The following THBS2 variants were observed in gnomAD, a reference collection of about 807,000 sequenced individuals.
THBS2 encodes thrombospondin 2.
THBS2 carries 47 observed loss-of-function variants against 135.2 expected under a neutral mutation model. The ratio of observed to expected loss-of-function variants is 0.35; its 90% confidence interval spans 0.28 to 0.44. THBS2 has a LOEUF of 0.44. Among genes scored for constraint, THBS2 ranks in the 20% least tolerant of loss-of-function variants. THBS2 has a pLI of 1.00. For synonymous variants in THBS2, 639 were observed against 633.8 expected (o/e 1.01, Z -0.12); for missense variants, 1,288 against 1,603.1 (o/e 0.80, Z 3.36).
At chr6:169,220,745 G>A (rs1381025707) in intron 20 of THBS2, among the ~76,000 whole-genome samples, 4 of 152,154 alleles carry the variant, frequency 2.6e-5, no homozygotes, top group African/African-American at 9.7e-5. Flanking sequence ...CGTGGGAGCA[G>A]GACTGGATAC....
chr6:169,220,393 A>G, intron 20 of THBS2, 56 bp from the exon 21 acceptor site: 1 of 1,571,900 alleles, frequency 6.4e-7, no homozygotes. Flanking sequence ...GAACTCTGTG[A>G]AGCATTCACC....
rs570036255 is a variant in THBS2 at position 169,223,207 on chromosome 6, C to T, written c.3001+41G>A. On this transcript the variant is annotated intron_variant, in intron 18 of 21. Transcript: ENST00000617924. ...CTGCATCTTCTGTGGGCGCCTCCCC[C>T]GGAGAAATGCTGGCACCACCGCCGT... 323 of 1,586,186 alleles carry T rather than the reference C, an allele frequency of 2.0e-4. 4 individuals carry two copies. In the South Asian group the frequency reaches 3.4e-3, roughly 17 times the overall value.
At chr6:169,218,120 G>A (rs1444173815) in intron 21 of THBS2, among the ~76,000 whole-genome samples, 16 of 143,880 alleles carry the variant, frequency 1.1e-4, no homozygotes, top group Non-Finnish European at 2.0e-4. Flanking sequence ...GGATGGATGG[G>A]GTGGGTGGGT....
chr6:169,224,713 A>G (rs937443992), intron 17 of THBS2, among the ~76,000 whole-genome samples: 3 of 152,180 alleles, frequency 2.0e-5, no homozygotes, highest in African/African-American at 7.2e-5. Context: ...CTGCTGAGCA[A>G]AGCAGCTCTT....
intron 13 of THBS2, among the ~76,000 whole-genome samples, chr6:169,231,379 G>T (rs1241328404): frequency 6.6e-6 from 1 of 152,322 alleles, no homozygotes; most frequent in South Asian, 2.1e-4. Context: ...AGCAGAGGGA[G>T]CACGGCCCCG....
In THBS2 at chr6:169,242,041, G is replaced by A. The variant is rs183104809; in HGVS notation, c.695-83C>T. On this transcript the variant is annotated intron_variant, in intron 4 of 21. Coordinates refer to ENST00000617924, the MANE Select transcript of THBS2 (RefSeq NM_003247.5). Reference sequence around the variant, plus strand: ...GCTGGGAACAGAGGGAGGATGACCCGCCCTGGCTCCCGGAGCGGCCTGGTG... The same window carrying A: ...GCTGGGAACAGAGGGAGGATGACCCACCCTGGCTCCCGGAGCGGCCTGGTG... 4.2e-5 allele frequency: 62 copies of A among 1,468,492 alleles called. 1 individual carries two copies. Among genetic ancestry groups the A allele is most frequent in the Admixed American group, 2.3e-4 (11 of 48,828 alleles). The allele number at this position is 1,468,492 out of a possible 1,614,324, so 91.0% of individuals were successfully genotyped here.
At chr6:169,222,849 C>T (rs1043279059) in intron 18 of THBS2, among the ~76,000 whole-genome samples, 9 of 151,808 alleles carry the variant, frequency 5.9e-5, no homozygotes, top group Non-Finnish European at 1.0e-4. Flanking sequence ...CAGGCAATCC[C>T]CAGCTTGGCC....
At position 169,252,363 on chromosome 6, in the gene THBS2, C is replaced by G. The variant is rs1333236837; in HGVS notation, c.-23+1361G>C. ...TCAGGTACAGCCTTGGCAGGCTCTT[C>G]CCACCTCCCCACCTCATCAGCCCAC... On this transcript the variant is annotated intron_variant, in intron 1 of 21. Transcript: ENST00000617924. This position sits in a 1 kb window ranked among gnomAD's most constrained non-coding sequence, Gnocchi z 4.3. 1.3e-5 allele frequency among the ~76,000 whole-genome samples: 2 copies of G among 152,150 alleles called. No homozygotes were observed. The highest frequency in any genetic ancestry group is 4.8e-5 in the African/African-American group (2 of 41,434).
Position 169,241,411 on chromosome 6 carries a change from G to A in THBS2, c.891+351C>T, listed in dbSNP as rs900293645. The stretch of plus-strand genomic sequence containing the variant: ...TATTTTCCTCTGCAGGTGTGTGTGT[G>A]TGTGTATGTGTGTGTATGTGTGTGT... On this transcript the variant is annotated intron_variant, in intron 5 of 21. Coordinates refer to ENST00000617924, the MANE Select transcript of THBS2 (RefSeq NM_003247.5). This position sits in a 1 kb window ranked among gnomAD's most constrained non-coding sequence, Gnocchi z 5.5. Among the ~76,000 whole-genome samples the A allele has an allele frequency of 7.1e-6, 1 of 140,470 alleles. No individual in the cohort carries two copies. The highest frequency in any genetic ancestry group is 2.9e-5 in the African/African-American group (1 of 34,990). 92.2% of individuals were successfully genotyped at this position (140,470 alleles called of 152,430 possible).
At position 169,248,704 on chromosome 6, in the gene THBS2, G is replaced by C; in HGVS notation, c.322C>G (p.Leu108Val). Residue 108 changes from leucine to valine, a missense_variant, in exon 3 of 22, where the codon CTC becomes GTC. Transcript: ENST00000617924. The part of the protein sequence containing the change: ...GTLLALEGPG[L>V]SQRQFEIVSN... ...ACGATCTCGAACTGCCTCTGGGAGAGACCGGGGCCCTCCAGAGCCAACAGC... is the reference window on the plus strand; with the variant it reads ...ACGATCTCGAACTGCCTCTGGGAGACACCGGGGCCCTCCAGAGCCAACAGC... The C allele has an allele frequency of 6.2e-7, 1 of 1,613,842 alleles. No individual in the cohort carries two copies. The highest frequency in any genetic ancestry group is 8.5e-7 in the Non-Finnish European group (1 of 1,179,912).
At chr6:169,218,040 AGATGGATG>A (rs143110525) in intron 21 of THBS2, among the ~76,000 whole-genome samples, 150 of 91,398 alleles carry the variant, frequency 1.6e-3, no homozygotes, top group African/African-American at 5.0e-3. Context: ...TGGGTGGATG[AGATGGATG>A]GATGGATGGA....
rs1405894334 is a variant in THBS2 at position 169,248,765 on chromosome 6, C to T, written c.261G>A (p.Thr87=). ...IMRQKEGFFL[T]AQLKQDGKSR... ...ACTTGCCGTCCTGCTTGAGCTGGGC[C>T]GTGAGGAAGAAGCCCTCCTTCTGCC... The change falls in exon 3 of 22, where the codon ACG becomes ACA. Residue 87 remains threonine, a synonymous_variant. Transcript: ENST00000617924. 29 of 1,612,550 alleles carry T rather than the reference C, an allele frequency of 1.8e-5. No homozygotes were observed. The highest frequency in any genetic ancestry group is 5.3e-5 in the African/African-American group (4 of 74,840).
chr6:169,239,495 C>A, intron 7 of THBS2, 104 bp downstream of exon 7: 1 of 1,085,222 alleles, frequency 9.2e-7, no homozygotes, highest in Non-Finnish European at 1.3e-6. Context: ...ACTCAGGGGG[C>A]TGAACCTCAC....
chr6:169,242,572 ACCT>A (rs2115019802), intron 4 of THBS2, among the ~76,000 whole-genome samples: 2 of 111,344 alleles, frequency 1.8e-5, no homozygotes, highest in Admixed American at 9.4e-5. Flanking sequence ...CTAACTTCCC[ACCT>A]TCCCCCAAAT....
chr6:169,247,432 CGTGT>C (rs1210490949), intron 3 of THBS2, among the ~76,000 whole-genome samples: 1 of 151,708 alleles, frequency 6.6e-6, no homozygotes, highest in Non-Finnish European at 1.5e-5. Flanking sequence ...TGTATGTATA[CGTGT>C]GTATGAGTAT....
At chr6:169,225,066 C>CCGTG in intron 17 of THBS2, 79 bp downstream of exon 17, 1 of 1,360,446 alleles carries the variant, frequency 7.4e-7, no homozygotes, top group Non-Finnish European at 1.0e-6. Flanking sequence ...AAGATGATCT[C>CCGTG]CGTGCATACA....
At chr6:169,224,394 C>T (rs1779543871) in intron 17 of THBS2, among the ~76,000 whole-genome samples, 1 of 152,230 alleles carries the variant, frequency 6.6e-6, no homozygotes, top group Non-Finnish European at 1.5e-5. Flanking sequence ...CACTCCATCC[C>T]TTCATGCTGC....
intron 21 of THBS2, among the ~76,000 whole-genome samples, chr6:169,218,291 T>C (rs1323442727): frequency 6.9e-6 from 1 of 144,636 alleles, no homozygotes; most frequent in East Asian, 2.1e-4. Flanking sequence ...GGTGGATGGA[T>C]GAAATGGGTG....
At position 169,232,047 on chromosome 6, in the gene THBS2, G is replaced by T; in HGVS notation, c.2084C>A (p.Ser695Ter). ...AGDGLICGED[S>*]DLDGWPNLNL... is the part of the protein sequence containing the mutation. ...GAGGTTGGGCCAGCCGTCCAGGTCC[G>T]AGTCCTCCCCGCAGATGAGCCCGTC... The change falls in exon 13 of 22, where the codon TCG becomes TAG. Residue 695 changes from serine (S) to a stop codon, truncating the protein, a stop_gained. Coordinates refer to ENST00000617924, the MANE Select transcript of THBS2 (RefSeq NM_003247.5). LOFTEE classifies it high-confidence loss of function. 1 of 1,614,040 alleles carries T rather than the reference G, an allele frequency of 6.2e-7. No homozygotes were observed. The highest frequency in any genetic ancestry group is 1.1e-5 in the South Asian group (1 of 91,078).
Sources: allele counts gnomAD v4.1 joint callset (sites outside exome capture counted in the v4.1 genomes callset), GRCh38; gene constraint gnomAD v4.1.1; non-coding constraint Gnocchi (gnomAD v3.1); transcripts MANE v1.5; gene names NCBI Gene and HGNC (gene_info 2026-07-23, HGNC 2026-07-21).